ZMIZ1: variants seen among roughly 807,000 people sequenced by gnomAD.
ZMIZ1 encodes the protein zinc finger MIZ-type containing 1.
ZMIZ1 carries 17 observed loss-of-function variants against 113.9 expected under a neutral mutation model. That is an observed-to-expected ratio of 0.15 (90% confidence interval 0.10 to 0.22). The LOEUF is 0.22. Among genes scored for constraint, ZMIZ1 ranks in the 10% least tolerant of loss-of-function variants. ZMIZ1 has a pLI of 1.00. For synonymous variants in ZMIZ1, 607 were observed against 603.1 expected, an observed-to-expected ratio of 1.01 and a Z score of -0.09; for missense variants, 1,059 against 1,477.8, an observed-to-expected ratio of 0.72 and a Z score of 4.65.
intron 4 of ZMIZ1, among the ~76,000 whole-genome samples, chr10:79,177,413 C>T (rs974429425): frequency 1.3e-5 from 2 of 152,236 alleles, no homozygotes; most frequent in Non-Finnish European, 2.9e-5. Flanking sequence ...CTGGAGAAGC[C>T]GCCCTGTGCC....
chr10:79,181,312 CG>C (rs1847114418), intron 4 of ZMIZ1, among the ~76,000 whole-genome samples: 2 of 152,236 alleles, frequency 1.3e-5, no homozygotes, highest in Non-Finnish European at 2.9e-5. Context: ...TGCCTACAAA[CG>C]GGCTGCCTGC....
intron 1 of ZMIZ1, among the ~76,000 whole-genome samples, chr10:79,112,743 T>C (rs1384098407): frequency 6.6e-6 from 1 of 152,106 alleles, no homozygotes; most frequent in African/African-American, 2.4e-5. Flanking sequence ...CCAGGCAAAA[T>C]AGAGCAGCCT....
chr10:79,103,458 A>G (rs1292131635), intron 1 of ZMIZ1, among the ~76,000 whole-genome samples: 1 of 151,364 alleles, frequency 6.6e-6, no homozygotes, highest in African/African-American at 2.4e-5. Context: ...TGGAAATGGC[A>G]GATGGCTTGG....
rs755556743 is a variant in ZMIZ1, at chr10:79,306,173, A to G, written c.2497A>G (p.Ile833Val). Residue 833 changes from isoleucine (I) to valine (V), a missense_variant, in exon 22 of 25, where the codon ATC (isoleucine) becomes GTC (valine). By Grantham distance (29) the Ile-to-Val change is conservative (BLOSUM62 3). Transcript: ENST00000334512. ...GGTGCCCATCAAGTCGGACTTACAC[A>G]TCAAGGACGACCCTGATGGCATCCC... ...RPVPIKSDLH[I>V]KDDPDGIPSK... 3 of 1,614,076 alleles carry G rather than the reference A, an allele frequency of 1.9e-6. 1 individual carries two copies. The South Asian group carries it at 3.3e-5, about 18-fold the overall frequency.
At chr10:79,231,255 T>C (rs1849383347) in intron 7 of ZMIZ1, among the ~76,000 whole-genome samples, 1 of 152,218 alleles carries the variant, frequency 6.6e-6, no homozygotes, top group African/African-American at 2.4e-5. Context: ...ATTGTTTTTG[T>C]TTTTGTTTTG....
chr10:79,162,004 C>T (rs1846130346), intron 3 of ZMIZ1, 49 bp from the exon 4 acceptor site: 1 of 399,062 alleles, frequency 2.5e-6, no homozygotes, highest in Non-Finnish European at 4.4e-6. Flanking sequence ...ATGGTCAGTG[C>T]CGGGCCTCTA....
At chr10:79,184,781 G>A (rs1278617111) in intron 4 of ZMIZ1, among the ~76,000 whole-genome samples, 3 of 152,208 alleles carry the variant, frequency 2.0e-5, no homozygotes, top group Admixed American at 2.0e-4. Context: ...CAGTTCCCCT[G>A]TGCCAGCCGC....
intron 4 of ZMIZ1, among the ~76,000 whole-genome samples, chr10:79,194,929 G>A (rs697237): frequency 0.43 from 65,367 of 152,028 alleles, 14,148 homozygotes; most frequent in Middle Eastern, 0.47. Context: ...TGGGAAGACC[G>A]AGCTGACCCC....
intron 6 of ZMIZ1, among the ~76,000 whole-genome samples, chr10:79,214,654 C>T (rs553165757): frequency 1.5e-3 from 226 of 152,274 alleles, no homozygotes; most frequent in African/African-American, 5.2e-3. Context: ...CAGTCTGAGG[C>T]CCCTCCAGGC....
At chr10:79,150,720 G>C (rs1845680359) in intron 3 of ZMIZ1, among the ~76,000 whole-genome samples, 1 of 152,134 alleles carries the variant, frequency 6.6e-6, no homozygotes, top group African/African-American at 2.4e-5. Flanking sequence ...AGCCAGGCTT[G>C]GGGGGTGATA....
At chr10:79,148,325 T>G (rs1845575805) in intron 3 of ZMIZ1, among the ~76,000 whole-genome samples, 1 of 152,180 alleles carries the variant, frequency 6.6e-6, no homozygotes, top group Non-Finnish European at 1.5e-5. Context: ...AGGCAGGGCA[T>G]GGCTGACCCC....
intron 3 of ZMIZ1, among the ~76,000 whole-genome samples, chr10:79,147,359 G>A (rs761124992): frequency 6.6e-6 from 1 of 152,182 alleles, no homozygotes; most frequent in Non-Finnish European, 1.5e-5. Context: ...AGGGGGAGCC[G>A]AGAAAGACAG....
At chr10:79,143,607 C>T (rs547451763) in intron 3 of ZMIZ1, among the ~76,000 whole-genome samples, 40 of 152,310 alleles carry the variant, frequency 2.6e-4, no homozygotes, top group African/African-American at 8.9e-4. Context: ...GCGCTGAGAA[C>T]TGGCAGTCCA....
At chr10:79,135,564 C>T (rs1844964519) in intron 2 of ZMIZ1, among the ~76,000 whole-genome samples, 1 of 152,222 alleles carries the variant, frequency 6.6e-6, no homozygotes, top group Non-Finnish European at 1.5e-5. Context: ...GGCCCCTGTT[C>T]TCTTTCTTCC....
At chr10:79,222,204 A>G (rs1194694941) in intron 7 of ZMIZ1, among the ~76,000 whole-genome samples, 1 of 152,070 alleles carries the variant, frequency 6.6e-6, no homozygotes, top group Admixed American at 6.5e-5. Context: ...TTATGCATAC[A>G]AGTTGCCAGC....
chr10:79,308,239 T>G (rs535406354), intron 23 of ZMIZ1, among the ~76,000 whole-genome samples: 165 of 152,182 alleles, frequency 1.1e-3, no homozygotes, highest in African/African-American at 3.7e-3. Context: ...TTAACAAGCG[T>G]TTTTTGAGCT....
chr10:79,193,732 T>C (rs1847707617), intron 4 of ZMIZ1, among the ~76,000 whole-genome samples: 1 of 151,958 alleles, frequency 6.6e-6, no homozygotes, highest in Non-Finnish European at 1.5e-5. Context: ...AGAGTGACAG[T>C]TGAGCCATAC....
intron 1 of ZMIZ1, among the ~76,000 whole-genome samples, chr10:79,071,420 C>A (rs962540635): frequency 6.6e-6 from 1 of 152,202 alleles, no homozygotes; most frequent in Non-Finnish European, 1.5e-5. Flanking sequence ...GATAAAGAGG[C>A]AGGCGCCGGG....
At chr10:79,134,912 G>A (rs1039117264) in intron 2 of ZMIZ1, among the ~76,000 whole-genome samples, 4 of 151,796 alleles carry the variant, frequency 2.6e-5, no homozygotes, top group South Asian at 2.1e-4. Flanking sequence ...TCTGCCTCCC[G>A]GGTTCAAGTG....
Sources: allele counts gnomAD v4.1 joint callset (sites outside exome capture counted in the v4.1 genomes callset), GRCh38; gene constraint gnomAD v4.1.1; transcripts MANE v1.5; gene names NCBI Gene and HGNC (gene_info 2026-07-23, HGNC 2026-07-21).